CHRM5: variants seen among roughly 807,000 people sequenced by gnomAD.
CHRM5 encodes cholinergic receptor muscarinic 5, also known as muscarinic acetylcholine receptor M5.
Under a neutral mutation model 39.0 loss-of-function variants are expected in CHRM5, and 18 were observed. The ratio of observed to expected loss-of-function variants is 0.46; its 90% CI spans 0.32 to 0.68. The LOEUF is 0.68. CHRM5 is among the 30% of genes least tolerant of loss of function. The probability of loss-of-function intolerance (pLI) is 0.04; values close to 1 mark genes in which losing one functional copy is unlikely to be tolerated. For synonymous variants in CHRM5, 241 were observed against 246.3 expected (o/e 0.98, Z 0.20); for missense variants, 515 against 651.1 (o/e 0.79, Z 2.28).
At chr15:34,024,318 G>A (rs182697912) in intron 1 of CHRM5, among the ~76,000 whole-genome samples, 213 of 152,120 alleles carry the variant, frequency 1.4e-3, no homozygotes, top group African/African-American at 4.9e-3. Context: ...AATAAAGTAG[G>A]TATGAGATGA....
At chr15:34,026,586 G>T (rs530398943) in intron 1 of CHRM5, among the ~76,000 whole-genome samples, 6 of 151,910 alleles carry the variant, frequency 3.9e-5, no homozygotes, top group Admixed American at 3.3e-4. Flanking sequence ...TATAAATCAG[G>T]TACTCAAATT....
chr15:34,045,699 C>T (rs1170899910), intron 1 of CHRM5, among the ~76,000 whole-genome samples: 3 of 147,824 alleles, frequency 2.0e-5, no homozygotes, highest in Non-Finnish European at 4.5e-5. Context: ...TAAAGCTTCT[C>T]ATAAAAAAAA....
At chr15:34,020,289 T>C (rs554728819) in intron 1 of CHRM5, among the ~76,000 whole-genome samples, 2 of 150,566 alleles carry the variant, frequency 1.3e-5, no homozygotes, top group East Asian at 3.9e-4. Flanking sequence ...CTAGCCTGGG[T>C]GACCGAGCGA....
At chr15:34,057,701 G>A (rs1900207482) in intron 2 of CHRM5, among the ~76,000 whole-genome samples, 1 of 152,178 alleles carries the variant, frequency 6.6e-6, no homozygotes, top group South Asian at 2.1e-4. Flanking sequence ...GGAGGCTGAG[G>A]CAGGAGGATC....
intron 1 of CHRM5, among the ~76,000 whole-genome samples, chr15:34,044,980 G>A (rs1242704735): frequency 4.6e-5 from 7 of 152,100 alleles, no homozygotes; most frequent in African/African-American, 1.2e-4. Flanking sequence ...CCTGGGAGGC[G>A]GAGCTTGCAG....
chr15:34,045,030 A>C (rs1899634966), intron 1 of CHRM5, among the ~76,000 whole-genome samples: 1 of 152,248 alleles, frequency 6.6e-6, no homozygotes, highest in Non-Finnish European at 1.5e-5. Flanking sequence ...CCTGGGCGAC[A>C]GAGCGAGACT....
At chr15:34,018,462 C>T (rs995645527) in intron 1 of CHRM5, 4 of 152,070 alleles carry the variant, frequency 2.6e-5, no homozygotes, top group Admixed American at 6.6e-5. Context: ...CACATACCTT[C>T]GCAGTGAGTG....
At chr15:34,019,047 T>A (rs552748749) in intron 1 of CHRM5, among the ~76,000 whole-genome samples, 3 of 152,152 alleles carry the variant, frequency 2.0e-5, no homozygotes, top group African/African-American at 4.8e-5. Context: ...GCGTTTTTTT[T>A]ACAGAGTGCT....
chr15:34,042,631 G>A (rs111481649), intron 1 of CHRM5, among the ~76,000 whole-genome samples: 1,709 of 151,874 alleles, frequency 0.011, 41 homozygotes, highest in African/African-American at 0.04. Context: ...TCAAACTCCC[G>A]ACCTCAGGTG....
chr15:34,043,213 C>G (rs1463445148), intron 1 of CHRM5, among the ~76,000 whole-genome samples: 1 of 151,174 alleles, frequency 6.6e-6, no homozygotes, highest in Non-Finnish European at 1.5e-5. Context: ...CACCACTGCA[C>G]TCCAGCCTGG....
Position 34,063,497 on chromosome 15 carries a change from C to G in CHRM5, c.780C>G (p.Thr260=). 2 of 1,613,820 alleles carry G rather than the reference C, an allele frequency of 1.2e-6. No individual in the cohort carries two copies. Among genetic ancestry groups the G allele is most frequent in the Non-Finnish European group, 1.7e-6 (2 of 1,180,030 alleles). ...CCTGCTTGCGCTGTCCTCGACCCAC[C>G]CTGGCCCAGCGGGAAAGGAACCAGG... ...FRSCLRCPRP[T]LAQRERNQAS... The change falls in exon 3 of 3, where the codon ACC becomes ACG. Residue 260 remains threonine, a synonymous_variant. Coordinates refer to ENST00000383263, the MANE Select transcript of CHRM5 (RefSeq NM_012125.4). The surrounding 1 kb of genome is among the most constrained non-coding windows in gnomAD (Gnocchi z 4.1).
At chr15:34,038,876 C>T (rs1567483217) in intron 1 of CHRM5, 5 of 1,145,332 alleles carry the variant, frequency 4.4e-6, no homozygotes, top group Non-Finnish European at 4.3e-6. Flanking sequence ...CGCGGAAGCC[C>T]CGGCCACGGC....
rs1897932648 is a variant in CHRM5 at position 34,016,845 on chromosome 15, ACACC to A, written c.-407-29691_-407-29688del. Among the ~76,000 whole-genome samples the A allele has an allele frequency of 2.0e-5, 3 of 152,076 alleles. No individual in the cohort carries two copies. In the South Asian group the frequency reaches 6.2e-4, roughly 31 times the overall value. ...AGGTTCACCAAAATATCACTTGCCAACACCCACGTGTGGTGGCACACGCCTGTAA... is the reference window on the plus strand; with the variant it reads ...AGGTTCACCAAAATATCACTTGCCAACACGTGTGGTGGCACACGCCTGTAA... On this transcript the variant is annotated intron_variant, in intron 1 of 2. Coordinates refer to ENST00000383263, the MANE Select transcript of CHRM5 (RefSeq NM_012125.4).
chr15:34,037,016 G>A (rs2140786409), intron 1 of CHRM5, among the ~76,000 whole-genome samples: 1 of 152,012 alleles, frequency 6.6e-6, no homozygotes, highest in South Asian at 2.1e-4. Context: ...GGCTGAGGCA[G>A]GAGAATCACT....
At chr15:33,979,650 ATC>A (rs1029048228) in intron 1 of CHRM5, among the ~76,000 whole-genome samples, 4 of 152,226 alleles carry the variant, frequency 2.6e-5, no homozygotes, top group Admixed American at 2.0e-4. Context: ...ACCAAATGTT[ATC>A]TGTTTTCAGA....
intron 1 of CHRM5, among the ~76,000 whole-genome samples, chr15:34,027,538 A>G (rs1192355952): frequency 6.6e-6 from 1 of 151,362 alleles, no homozygotes; most frequent in African/African-American, 2.4e-5. Flanking sequence ...CAAAAAAAAA[A>G]AAAGAAAGAA....
At chr15:34,044,961 T>C (rs1002739867) in intron 1 of CHRM5, among the ~76,000 whole-genome samples, 2 of 152,118 alleles carry the variant, frequency 1.3e-5, no homozygotes, top group African/African-American at 4.8e-5. Flanking sequence ...GGCAGGAGAA[T>C]GGCATGAACC....
chr15:33,974,768 T>G (rs1418395741), intron 1 of CHRM5, among the ~76,000 whole-genome samples: 1 of 151,942 alleles, frequency 6.6e-6, no homozygotes, highest in Non-Finnish European at 1.5e-5. Flanking sequence ...AGGTCAGGGG[T>G]TTGAGACCAG....
chr15:34,024,618 C>T (rs61196776), intron 1 of CHRM5, among the ~76,000 whole-genome samples: 13,830 of 151,376 alleles, frequency 0.091, 844 homozygotes, highest in East Asian at 0.33. Flanking sequence ...TTTGGGAGGC[C>T]GAGGCGGGCG....
Sources: gnomAD v4.1 joint callset for allele counts (sites outside exome capture counted in the v4.1 genomes callset) on GRCh38, gnomAD v4.1.1 for gene constraint, Gnocchi (gnomAD v3.1) non-coding constraint, MANE v1.5 for transcripts, NCBI Gene and HGNC (gene_info 2026-07-23, HGNC 2026-07-21) for gene names.